The following TPP2 variants were observed in gnomAD, a reference collection of about 807,000 sequenced individuals.
The protein encoded by TPP2 is tripeptidyl peptidase 2.
In TPP2, 34 loss-of-function variants were observed where a neutral mutation model predicts 155.9. The observed-to-expected ratio is 0.22, with a 90% CI of 0.17 to 0.29. The LOEUF (loss-of-function observed/expected upper bound fraction) is 0.29, where lower values mean the gene tolerates loss of function less well. Among genes scored for constraint, TPP2 ranks in the 10% least tolerant of loss-of-function variants. The pLI is 1.00. For synonymous variants in TPP2, 510 were observed against 529.4 expected, an observed-to-expected ratio of 0.96 and a Z score of 0.50; for missense variants, 1,028 against 1,522.3, an observed-to-expected ratio of 0.68 and a Z score of 5.40.
At position 102,647,355 on chromosome 13, in the gene TPP2, G is replaced by A. The variant is rs763750813; in HGVS notation, c.2628+11G>A. 4 of 1,603,134 alleles carry A rather than the reference G, an allele frequency of 2.5e-6. No individual in the cohort carries two copies. The East Asian group carries it at 8.9e-5, about 36-fold the overall frequency. ...GCCTATCCACATCAGGTATAAAATT[G>A]ATGGTGATTTTTAGAATTAACGGAA... is the stretch of plus-strand genomic sequence containing the variant. On this transcript the variant is annotated intron_variant, in intron 21 of 29. Transcript: ENST00000376052.
intron 13 of TPP2, among the ~76,000 whole-genome samples, chr13:102,636,747 A>T (rs1451613723): frequency 6.6e-6 from 1 of 152,176 alleles, no homozygotes; most frequent in Non-Finnish European, 1.5e-5. Flanking sequence ...AGTCTAGGAG[A>T]ACTGCAGCTC....
At position 102,631,652 on chromosome 13, in the gene TPP2, A is replaced by T. The variant is rs1327224988; in HGVS notation, c.1244+1457A>T. 2.0e-5 allele frequency: 3 copies of T among 152,188 alleles called. No individual in the cohort carries two copies. In the East Asian group the frequency reaches 5.8e-4, roughly 29 times the overall value. 9.4% of individuals were successfully genotyped at this position (152,188 alleles called of 1,614,324 possible). A position where few individuals can be genotyped will look rare whatever the true frequency, so the allele number is the denominator to read the frequency against. On this transcript the variant is annotated intron_variant, in intron 10 of 29. Transcript: ENST00000376052. ...GCATTTAAAGAATTATTTTAAGAAA[A>T]CACCAAGGAGTTCATGAATTATGGG...
At position 102,617,075 on chromosome 13, in the gene TPP2, GTT is replaced by G. The variant is rs111301394; in HGVS notation, c.495+586_495+587del. On this transcript the variant is annotated intron_variant, in intron 4 of 29. Coordinates refer to ENST00000376052, the MANE Select transcript of TPP2 (RefSeq NM_001330588.2). ...AGGCACGTGCCACCACACCCGACTAGTTTTTTTTTTTTGCATTTTTAGTAGAG... is the reference window on the plus strand; with the variant it reads ...AGGCACGTGCCACCACACCCGACTAGTTTTTTTTTTGCATTTTTAGTAGAG... Among the ~76,000 whole-genome samples the G allele has an allele frequency of 4.2e-4, 60 of 143,798 alleles. 1 individual carries two copies. The highest frequency in any genetic ancestry group is 1.4e-3 in the African/African-American group (57 of 39,448). 94.3% of individuals were successfully genotyped at this position (143,798 alleles called of 152,430 possible).
chr13:102,621,202 T>C (rs576467032), intron 5 of TPP2, among the ~76,000 whole-genome samples: 1 of 152,338 alleles, frequency 6.6e-6, no homozygotes, highest in East Asian at 1.9e-4. Context: ...ATGGTGGTTA[T>C]AAGAAACTGA....
At chr13:102,652,112 A>G (rs1483238379) in intron 24 of TPP2, among the ~76,000 whole-genome samples, 3 of 152,144 alleles carry the variant, frequency 2.0e-5, no homozygotes, top group African/African-American at 7.2e-5. Flanking sequence ...GCAGTGACTC[A>G]TGCCTGTAAT....
chr13:102,638,626 G>A (rs1882548154), intron 15 of TPP2, among the ~76,000 whole-genome samples: 1 of 152,142 alleles, frequency 6.6e-6, no homozygotes, highest in African/African-American at 2.4e-5. Flanking sequence ...CGATCCCACT[G>A]TAGTATTTGA....
intron 25 of TPP2, among the ~76,000 whole-genome samples, chr13:102,660,320 A>G (rs1281808823): frequency 6.6e-6 from 1 of 152,170 alleles, no homozygotes; most frequent in Non-Finnish European, 1.5e-5. Flanking sequence ...ATCAAAAACA[A>G]AAAATAAAAT....
At chr13:102,607,997 G>A (rs1001652545) in intron 2 of TPP2, 4 of 152,702 alleles carry the variant, frequency 2.6e-5, no homozygotes, top group Middle Eastern at 3.4e-3. Flanking sequence ...CATATGTATT[G>A]CTATTAAATA....
At chr13:102,663,154 T>G (rs1372950708) in intron 25 of TPP2, among the ~76,000 whole-genome samples, 1 of 39,834 alleles carries the variant, frequency 2.5e-5, no homozygotes, top group South Asian at 5.4e-4. Flanking sequence ...ATTAATTAAT[T>G]TATTTATTTT....
At chr13:102,600,682 G>A (rs922658425) in intron 1 of TPP2, among the ~76,000 whole-genome samples, 2 of 152,042 alleles carry the variant, frequency 1.3e-5, no homozygotes, top group Non-Finnish European at 2.9e-5. Flanking sequence ...AAATATATAT[G>A]GGCATAATGA....
intron 6 of TPP2, among the ~76,000 whole-genome samples, chr13:102,625,870 GTAT>G (rs1472855772): frequency 3.9e-5 from 6 of 152,130 alleles, no homozygotes; most frequent in Non-Finnish European, 8.8e-5. Flanking sequence ...CATTGTGCTT[GTAT>G]TATTGTTTTT....
intron 29 of TPP2, among the ~76,000 whole-genome samples, chr13:102,677,879 G>A (rs1225846441): frequency 2.6e-5 from 4 of 152,170 alleles, no homozygotes; most frequent in Admixed American, 2.6e-4. Flanking sequence ...TGTTTGACAT[G>A]ATAGTTACTC....
At chr13:102,605,641 T>C (rs1286074882) in intron 2 of TPP2, among the ~76,000 whole-genome samples, 3 of 152,170 alleles carry the variant, frequency 2.0e-5, no homozygotes, top group Non-Finnish European at 2.9e-5. Flanking sequence ...CCCAGTTAAC[T>C]TGACCATGAA....
At chr13:102,604,262 C>G (rs543878473) in intron 1 of TPP2, among the ~76,000 whole-genome samples, 1 of 152,282 alleles carries the variant, frequency 6.6e-6, no homozygotes, top group Admixed American at 6.5e-5. Context: ...ATCTTTAGAT[C>G]TTTTCTCAAA....
Position 102,643,234 on chromosome 13 carries a change from G to A in TPP2, c.2033G>A (p.Cys678Tyr). The A allele has an allele frequency of 6.2e-7, 1 of 1,601,764 alleles. No individual in the cohort carries two copies. Among genetic ancestry groups the A allele is most frequent in the Non-Finnish European group, 8.5e-7 (1 of 1,176,248 alleles). Residue 678 changes from cysteine (C) to tyrosine (Y), a missense_variant, in exon 17 of 30, where the codon TGT (cysteine) becomes TAT (tyrosine). Cys to Tyr is a radical substitution (Grantham distance 194, BLOSUM62 -2). Around this residue, in one of 7 missense-constraint regions of TPP2, gnomAD observed 325 missense variants for 463.7 expected, o/e 0.70. Coordinates refer to ENST00000376052, the MANE Select transcript of TPP2 (RefSeq NM_001330588.2). ...EGATWAEVTV[C>Y]SCSSEVSAKF... ...TTTCTTATTTTAGAAGTGACAGTGT[G>A]TTCGTGTTCTTCTGAGGTGTCAGCA...
intron 8 of TPP2, among the ~76,000 whole-genome samples, chr13:102,629,157 T>C (rs1001171639): frequency 6.6e-6 from 1 of 152,242 alleles, no homozygotes; most frequent in African/African-American, 2.4e-5. Context: ...TTCTGAGGTG[T>C]GTCTTCAGGA....
intron 25 of TPP2, among the ~76,000 whole-genome samples, chr13:102,657,643 T>G (rs1883947147): frequency 6.6e-6 from 1 of 152,298 alleles, no homozygotes; most frequent in South Asian, 2.1e-4. Flanking sequence ...AATGTCTGTG[T>G]TGTATATGGT....
chr13:102,636,366 T>C lies in TPP2; in HGVS notation c.1652T>C (p.Ile551Thr), dbSNP rs1291641317. 2 of 1,613,344 alleles carry C rather than the reference T, an allele frequency of 1.2e-6. No individual in the cohort carries two copies. Among genetic ancestry groups the C allele is most frequent in the East Asian group, 2.2e-5 (1 of 44,852 alleles). Residue 551 changes from isoleucine to threonine, a missense_variant, in exon 13 of 30, where the codon ATT becomes ACT. This residue lies in a region of TPP2 where 325 missense variants were observed against 463.7 expected (regional missense o/e 0.70). Coordinates refer to ENST00000376052, the MANE Select transcript of TPP2 (RefSeq NM_001330588.2). ...GCACCTTCAGATCATGGCGTTGGCA[T>C]TGAACCTGTATTTCCGGAGAACACA... ...VAAPSDHGVGIEPVFPENTEN... is the reference protein window; with the variant it reads ...VAAPSDHGVGTEPVFPENTEN...
intron 23 of TPP2, 66 bp downstream of exon 23, chr13:102,649,552 A>G: frequency 7.2e-7 from 1 of 1,380,898 alleles, no homozygotes; most frequent in Non-Finnish European, 1.0e-6. Flanking sequence ...AAAGATAAGA[A>G]TTAATTCCAC....
Sources: allele counts gnomAD v4.1 joint callset (sites outside exome capture counted in the v4.1 genomes callset), GRCh38; gene constraint gnomAD v4.1.1; regional missense constraint gnomAD v4.1.1; transcripts MANE v1.5; gene names NCBI Gene and HGNC (gene_info 2026-07-23, HGNC 2026-07-21).